SMIM44: variants seen among roughly 807,000 people sequenced by gnomAD.
The protein encoded by SMIM44 is small integral membrane protein 44.
At chr19:3,483,253 C>T in the SMIM44 span, 1 of 398,512 alleles carries the variant, frequency 2.5e-6, no homozygotes. Context: ...ATGGCGTAGG[C>T]GACGGCCACC....
chr19:3,482,792 C>A, the SMIM44 span: 1 of 389,868 alleles, frequency 2.6e-6, no homozygotes, highest in Non-Finnish European at 4.5e-6. Flanking sequence ...GTCCGGAACC[C>A]GGATTCAGGA....
chr19:3,482,943 C>G, the SMIM44 span: 24 of 398,168 alleles, frequency 6.0e-5, 1 homozygote, highest in Admixed American at 8.8e-5. Context: ...CTCGCCCTGC[C>G]AGGCCAGGGC....
At chr19:3,482,999 G>A in the SMIM44 span, 5 of 398,346 alleles carry the variant, frequency 1.3e-5, no homozygotes, top group Non-Finnish European at 2.2e-5. Flanking sequence ...TCAGGCTGGG[G>A]CGCAGCTCCC....
chr19:3,482,711 C>A, the SMIM44 span: 1 of 396,490 alleles, frequency 2.5e-6, no homozygotes. Context: ...CCGTCCGCTG[C>A]GACCGGGCAG....
the SMIM44 span, chr19:3,483,274 C>T: frequency 2.5e-6 from 1 of 398,486 alleles, no homozygotes; most frequent in African/African-American, 2.1e-5. Context: ...ACCACCAGCG[C>T]GGCCAGCAGC....
the SMIM44 span, chr19:3,483,356 G>A: frequency 2.5e-6 from 1 of 398,188 alleles, no homozygotes; most frequent in Non-Finnish European, 4.4e-6. Context: ...ACAGCGGCGG[G>A]GACGGGCTCC....
chr19:3,482,126 A>T, the SMIM44 span, among the ~76,000 whole-genome samples: 6 of 152,224 alleles, frequency 3.9e-5, no homozygotes, highest in African/African-American at 1.4e-4. Context: ...CCAGGCAGGC[A>T]TCTATTAAAC....
chr19:3,482,732 G>T, the SMIM44 span: 1 of 397,318 alleles, frequency 2.5e-6, no homozygotes, highest in Non-Finnish European at 4.4e-6. Context: ...CTCAGGGTTT[G>T]CAGAAAGGGC....
chr19:3,482,995 TG>T, the SMIM44 span: 2 of 398,394 alleles, frequency 5.0e-6, no homozygotes, highest in Non-Finnish European at 8.9e-6. Flanking sequence ...CCGGTCAGGC[TG>T]GGGCGCAGCT....
At chr19:3,482,469 C>T in the SMIM44 span, among the ~76,000 whole-genome samples, 1 of 152,236 alleles carries the variant, frequency 6.6e-6, no homozygotes, top group Non-Finnish European at 1.5e-5. Flanking sequence ...ATCAGTCCTA[C>T]CTCGGAGGAT....
At chr19:3,482,391 C>T in the SMIM44 span, among the ~76,000 whole-genome samples, 4 of 152,202 alleles carry the variant, frequency 2.6e-5, no homozygotes, top group African/African-American at 9.7e-5. Flanking sequence ...GCACTCTGTG[C>T]TCTGAGACCT....
the SMIM44 span, chr19:3,482,836 G>A: frequency 5.0e-6 from 2 of 398,004 alleles, no homozygotes; most frequent in Non-Finnish European, 8.9e-6. Context: ...AAGGAGCTTC[G>A]GGATGGGGGG....
chr19:3,482,927 G>A, the SMIM44 span: 1 of 398,196 alleles, frequency 2.5e-6, no homozygotes, highest in East Asian at 3.6e-5. Context: ...CCCCGCCGGC[G>A]TCCTCCTCGC....
the SMIM44 span, among the ~76,000 whole-genome samples, chr19:3,482,195 C>T: frequency 1.9e-4 from 29 of 152,324 alleles, no homozygotes; most frequent in African/African-American, 6.0e-4. Flanking sequence ...TTGGTGCTGT[C>T]TGGGAGCTCT....
the SMIM44 span, among the ~76,000 whole-genome samples, chr19:3,482,562 T>C: frequency 6.6e-6 from 1 of 152,190 alleles, no homozygotes; most frequent in Non-Finnish European, 1.5e-5. Context: ...GCCGATAATA[T>C]TACAACGTTT....
chr19:3,483,237 C>A, the SMIM44 span: 6 of 398,560 alleles, frequency 1.5e-5, no homozygotes, highest in Non-Finnish European at 2.2e-5. Flanking sequence ...GATGAGGTGC[C>A]CGACGATGGC....
At chr19:3,482,668 AC>A in the SMIM44 span, 1 of 395,394 alleles carries the variant, frequency 2.5e-6, no homozygotes, top group Non-Finnish European at 4.5e-6. Context: ...CCAGCGTCCA[AC>A]CCCCGGAACC....
the SMIM44 span, chr19:3,483,371 C>G: frequency 7.5e-6 from 3 of 398,014 alleles, no homozygotes; most frequent in Non-Finnish European, 1.3e-5. Context: ...GGCTCCAGCC[C>G]TCGGCCTCCC....
chr19:3,483,428 C>T, the SMIM44 span: 1 of 397,472 alleles, frequency 2.5e-6, no homozygotes, highest in Non-Finnish European at 4.4e-6. Context: ...ACAGGGGAGG[C>T]CCGGAGGTGA....
Sources: allele counts gnomAD v4.1 joint callset (sites outside exome capture counted in the v4.1 genomes callset), GRCh38; gene constraint gnomAD v4.1.1; transcripts MANE v1.5; gene names NCBI Gene and HGNC (gene_info 2026-07-23, HGNC 2026-07-21).